The following PMP22 variants were observed in gnomAD, a reference collection of about 807,000 sequenced individuals.
PMP22 encodes the protein Charcot-Marie-Tooth neuropathy 1A (greatly reduced nerve conduction velocity, hereditary motor sensory neuropathy Ia).
PMP22 carries 2 observed loss-of-function variants against 18.9 expected under a neutral mutation model. The observed-to-expected ratio is 0.11, with a 90% CI of 0.04 to 0.33. The LOEUF (loss-of-function observed/expected upper bound fraction) is 0.33, where lower values mean the gene tolerates loss of function less well. Ranked by LOEUF, PMP22 falls within the 10% of genes least tolerant of loss-of-function variation. The pLI, the probability that PMP22 is intolerant of heterozygous loss-of-function variation, is 1.00. For missense variants in PMP22, 169 were observed against 202.2 expected (o/e 0.84, Z 1.00); for synonymous variants, 95 against 89.2 (o/e 1.07, Z -0.37).
chr17:15,231,102 C>A (rs1384720576), intron 4 of PMP22, 22 bp from the exon 5 acceptor site: 2 of 1,612,778 alleles, frequency 1.2e-6, no homozygotes, highest in Non-Finnish European at 8.5e-7. Context: ...GAGGGACAAG[C>A]TGGGTGACGG....
intron 3 of PMP22, among the ~76,000 whole-genome samples, chr17:15,251,274 G>T (rs552001990): frequency 2.0e-5 from 3 of 152,194 alleles, no homozygotes; most frequent in Admixed American, 1.3e-4. Context: ...CTTTCCATTG[G>T]ATCACCCTAT....
At chr17:15,262,963 T>C (rs866716499) in intron 1 of PMP22, among the ~76,000 whole-genome samples, 6 of 152,158 alleles carry the variant, frequency 3.9e-5, no homozygotes, top group African/African-American at 9.6e-5. Flanking sequence ...TGGATTCCTT[T>C]CCCACTAATA....
In PMP22 at chr17:15,258,211, C is replaced by A. The variant is rs900541463; in HGVS notation, c.178+883G>T. Among the ~76,000 whole-genome samples, 1 of 152,144 alleles carries A rather than the reference C, an allele frequency of 6.6e-6. No homozygotes were observed. The highest frequency in any genetic ancestry group is 2.4e-5 in the African/African-American group (1 of 41,440). ...CTGCTGTATCTCTAGGTCCTTCCAG[C>A]CTGAGGACACATCTTCTGGAACAAA... On this transcript the variant is annotated intron_variant, in intron 3 of 4. Coordinates refer to ENST00000312280, the MANE Select transcript of PMP22 (RefSeq NM_000304.4). This position sits in a 1 kb window ranked among gnomAD's most constrained non-coding sequence, Gnocchi z 4.1.
At chr17:15,239,838 C>T (rs1180384282) in intron 3 of PMP22, among the ~76,000 whole-genome samples, 2 of 152,204 alleles carry the variant, frequency 1.3e-5, no homozygotes, top group Non-Finnish European at 2.9e-5. Flanking sequence ...TATATACATA[C>T]ATCTATATGT....
chr17:15,262,077 A>G (rs1313292698), intron 1 of PMP22, among the ~76,000 whole-genome samples: 1 of 152,220 alleles, frequency 6.6e-6, no homozygotes, highest in African/African-American at 2.4e-5. Flanking sequence ...CTGGGGAACC[A>G]CAGGAGTCCA....
At chr17:15,238,666 T>A (rs1020674078) in intron 4 of PMP22, among the ~76,000 whole-genome samples, 1 of 147,760 alleles carries the variant, frequency 6.8e-6, no homozygotes, top group African/African-American at 2.6e-5. Context: ...ATGCAAGATG[T>A]AAGATGTAAG....
chr17:15,241,588 G>A (rs998933036), intron 3 of PMP22, among the ~76,000 whole-genome samples: 1 of 152,022 alleles, frequency 6.6e-6, no homozygotes, highest in Non-Finnish European at 1.5e-5. Context: ...AAACTACTAC[G>A]AGACCTCACA....
In PMP22 at chr17:15,235,261, C is replaced by A. The variant is rs1268851436; in HGVS notation, c.320-4181G>T. ...TCTTTCTGTTCTTAATCCCGGTAACCACACATTTGACTTGAGTTTGATTCT... is the reference window on the plus strand; with the variant it reads ...TCTTTCTGTTCTTAATCCCGGTAACAACACATTTGACTTGAGTTTGATTCT... On this transcript the variant is annotated intron_variant, in intron 4 of 4. Coordinates refer to ENST00000312280, the MANE Select transcript of PMP22 (RefSeq NM_000304.4). 5.6e-6 allele frequency: 4 copies of A among 717,494 alleles called. No individual in the cohort carries two copies. The Admixed American group carries it at 6.0e-5, about 11-fold the overall frequency. The allele number at this position is 717,494 out of a possible 1,614,324, so 44.4% of individuals were successfully genotyped here. A position where few individuals can be genotyped will look rare whatever the true frequency, so the allele number is the denominator to read the frequency against.
intron 3 of PMP22, among the ~76,000 whole-genome samples, chr17:15,245,539 G>T (rs948605828): frequency 3.9e-5 from 6 of 152,102 alleles, no homozygotes; most frequent in African/African-American, 1.4e-4. Flanking sequence ...ATTTTATTGG[G>T]TTGTCATAAT....
chr17:15,240,103 A>G (rs1907192807), intron 3 of PMP22, among the ~76,000 whole-genome samples: 1 of 152,216 alleles, frequency 6.6e-6, no homozygotes, highest in Non-Finnish European at 1.5e-5. Context: ...ATTTCCTTCC[A>G]GTGTTGGTGC....
chr17:15,245,966 T>G (rs148615126), intron 3 of PMP22, among the ~76,000 whole-genome samples: 1 of 148,954 alleles, frequency 6.7e-6, no homozygotes, highest in East Asian at 2.0e-4. Context: ...TGAGCCGAGA[T>G]CGCGCCACTG....
At position 15,260,720 on chromosome 17, in the gene PMP22, A is replaced by C; in HGVS notation, c.8T>G (p.Leu3Arg). Residue 3 changes from leucine (L) to arginine (R), a missense_variant, in exon 2 of 5, where the codon CTC (leucine) becomes CGC (arginine). Coordinates refer to ENST00000312280, the MANE Select transcript of PMP22 (RefSeq NM_000304.4). ML[L>R]LLLSIIVLHV... ...GAGGACGATGATACTCAGCAACAGGAGGAGCATTCTGGCGGCAAGTTCTGC... is the reference window on the plus strand; with the variant it reads ...GAGGACGATGATACTCAGCAACAGGCGGAGCATTCTGGCGGCAAGTTCTGC... The C allele has an allele frequency of 6.4e-7, 1 of 1,553,022 alleles. No individual in the cohort carries two copies. Among genetic ancestry groups the C allele is most frequent in the East Asian group, 2.4e-5 (1 of 41,082 alleles).
chr17:15,252,046 TAA>T (rs1219539701), intron 3 of PMP22, among the ~76,000 whole-genome samples: 1 of 152,104 alleles, frequency 6.6e-6, no homozygotes, highest in Non-Finnish European at 1.5e-5. Flanking sequence ...TAAGAGCCTG[TAA>T]AATCCAGAGC....
intron 3 of PMP22, among the ~76,000 whole-genome samples, chr17:15,243,828 A>T (rs991562071): frequency 4.0e-5 from 6 of 149,658 alleles, no homozygotes; most frequent in African/African-American, 1.5e-4. Flanking sequence ...ATTTATAGAC[A>T]TACAAAGCTT....
chr17:15,246,499 A>G lies in PMP22; in HGVS notation c.179-6888T>C, dbSNP rs375367694. Among the ~76,000 whole-genome samples, 11 of 152,382 alleles carry G rather than the reference A, an allele frequency of 7.2e-5. No homozygotes were observed. The East Asian group carries it at 1.7e-3, about 24-fold the overall frequency. ...TATAATGCAAGTGAAAATGCTGTCA[A>G]TTACAAACCTGTTCTATTTAGATCA... On this transcript the variant is annotated intron_variant, in intron 3 of 4. Coordinates refer to ENST00000312280, the MANE Select transcript of PMP22 (RefSeq NM_000304.4).
chr17:15,260,517 A>T, intron 2 of PMP22, 133 bp downstream of exon 2: 1 of 801,622 alleles, frequency 1.2e-6, no homozygotes, highest in Non-Finnish European at 2.1e-6. Flanking sequence ...GCAGATTGCC[A>T]GAAACTTCCC....
intron 4 of PMP22, among the ~76,000 whole-genome samples, chr17:15,236,126 T>C (rs1227323687): frequency 6.6e-6 from 1 of 151,780 alleles, no homozygotes; most frequent in Non-Finnish European, 1.5e-5. Flanking sequence ...TTGAAAGCAC[T>C]GAACTAAAGG....
intron 3 of PMP22, among the ~76,000 whole-genome samples, chr17:15,249,994 C>A (rs1198396274): frequency 6.6e-6 from 1 of 152,212 alleles, no homozygotes; most frequent in Non-Finnish European, 1.5e-5. Flanking sequence ...CGGCTCACTG[C>A]AAGCTCCGCC....
At chr17:15,233,291 G>T in intron 4 of PMP22, among the ~76,000 whole-genome samples, 1 of 152,308 alleles carries the variant, frequency 6.6e-6, no homozygotes, top group East Asian at 1.9e-4. Flanking sequence ...GGCAATGACC[G>T]GGACTCCCTG....
Sources: allele counts gnomAD v4.1 joint callset (sites outside exome capture counted in the v4.1 genomes callset), GRCh38; gene constraint gnomAD v4.1.1; non-coding constraint Gnocchi (gnomAD v3.1); transcripts MANE v1.5; gene names NCBI Gene and HGNC (gene_info 2026-07-23, HGNC 2026-07-21).